LMO1: variants seen among roughly 807,000 people sequenced by gnomAD.
LMO1 encodes LIM domain only 1.
Under a neutral mutation model 18.0 loss-of-function variants are expected in LMO1, and 10 were observed. The ratio of observed to expected loss-of-function variants is 0.55; its 90% confidence interval spans 0.34 to 0.94. The LOEUF (loss-of-function observed/expected upper bound fraction) is 0.94. Among genes scored for constraint, LMO1 ranks in the 40% least tolerant of loss-of-function variants. The pLI is 0.02. For synonymous variants in LMO1, 77 were observed against 77.9 expected, an observed-to-expected ratio of 0.99 and a Z score of 0.06; for missense variants, 183 against 205.7, an observed-to-expected ratio of 0.89 and a Z score of 0.68.
At chr11:8,236,160 G>A (rs1394437541) in intron 1 of LMO1, among the ~76,000 whole-genome samples, 1 of 151,934 alleles carries the variant, frequency 6.6e-6, no homozygotes, top group East Asian at 1.9e-4. Context: ...TGGCTGCTCT[G>A]GAAAGAGCCC....
chr11:8,259,979 T>C (rs2134585692), intron 1 of LMO1, among the ~76,000 whole-genome samples: 1 of 152,326 alleles, frequency 6.6e-6, no homozygotes, highest in African/African-American at 2.4e-5. Context: ...TGCTGCTTCC[T>C]GTGGTCACCC....
At chr11:8,252,149 G>A (rs1034145442) in intron 1 of LMO1, among the ~76,000 whole-genome samples, 5 of 152,150 alleles carry the variant, frequency 3.3e-5, no homozygotes, top group Non-Finnish European at 5.9e-5. Flanking sequence ...CCTGTTTCTC[G>A]CCTAAACTCT....
intron 1 of LMO1, among the ~76,000 whole-genome samples, chr11:8,250,389 A>G (rs1386085489): frequency 1.3e-5 from 2 of 152,240 alleles, no homozygotes; most frequent in Non-Finnish European, 2.9e-5. Flanking sequence ...TGAGAATAAT[A>G]TCTCAATAAT....
chr11:8,256,371 G>A lies in LMO1; in HGVS notation c.25+6967C>T, dbSNP rs75069140. 3.9e-4 allele frequency among the ~76,000 whole-genome samples: 60 copies of A among 152,330 alleles called. No homozygotes were observed. The East Asian group carries it at 6.7e-3, about 17-fold the overall frequency. On this transcript the variant is annotated intron_variant, in intron 1 of 3. Transcript: ENST00000335790. ...GTGCGCTGAAGTCACACAGCAGTCAGCTGGGACAAAACCCAGGTTTTCTGA... is the reference window on the plus strand; with the variant it reads ...GTGCGCTGAAGTCACACAGCAGTCAACTGGGACAAAACCCAGGTTTTCTGA...
chr11:8,224,758 G>A (rs771079997), intron 3 of LMO1, 37 bp from the exon 4 acceptor site: 4 of 1,382,660 alleles, frequency 2.9e-6, no homozygotes, highest in Middle Eastern at 1.8e-4. Context: ...GCCATGGGAA[G>A]GTCCCAGTGG....
Position 8,226,887 on chromosome 11 carries a change from G to T in LMO1, c.365+88C>A. The T allele has an allele frequency of 4.0e-6, 6 of 1,488,390 alleles. No individual in the cohort carries two copies. The South Asian group carries it at 5.3e-5, about 13-fold the overall frequency. The allele number at this position is 1,488,390 out of a possible 1,614,324, so 92.2% of individuals were successfully genotyped here. A position where few individuals can be genotyped will look rare whatever the true frequency, so the allele number is the denominator to read the frequency against. ...ACACACACGCAACCCGCATTTGCGT[G>T]CACGCCTCCGCCGTGCTCCTGGCCC... On this transcript the variant is annotated intron_variant, in intron 3 of 3. Transcript: ENST00000335790.
At chr11:8,226,897 G>A (rs1392030249) in intron 3 of LMO1, 78 bp downstream of exon 3, 26 of 1,524,186 alleles carry the variant, frequency 1.7e-5, no homozygotes, top group South Asian at 1.4e-4. Context: ...GCACGCCTCC[G>A]CCGTGCTCCT....
At chr11:8,268,206 GC>G (rs1344765762), upstream of LMO1, among the ~76,000 whole-genome samples, 3 of 152,204 alleles carry the variant, frequency 2.0e-5, no homozygotes, top group Non-Finnish European at 4.4e-5. Flanking sequence ...TAATCCCGCC[GC>G]CGCCGAAGCC....
At chr11:8,267,351 G>A (rs565290922), upstream of LMO1, among the ~76,000 whole-genome samples, 3 of 152,230 alleles carry the variant, frequency 2.0e-5, no homozygotes, top group African/African-American at 7.2e-5. Context: ...ATAGTGAGTG[G>A]TGGTAGGATG....
At chr11:8,266,901 C>G (rs1047525257), upstream of LMO1, among the ~76,000 whole-genome samples, 1 of 152,238 alleles carries the variant, frequency 6.6e-6, no homozygotes, top group African/African-American at 2.4e-5. Context: ...GACGAGGACC[C>G]CTTCTCTGTG....
chr11:8,258,251 G>C (rs1847129551), intron 1 of LMO1, among the ~76,000 whole-genome samples: 1 of 152,202 alleles, frequency 6.6e-6, no homozygotes, highest in Non-Finnish European at 1.5e-5. Context: ...GAGGCCCTCT[G>C]GACCCTGGAG....
At chr11:8,251,679 G>C (rs934668546) in intron 1 of LMO1, among the ~76,000 whole-genome samples, 1 of 151,828 alleles carries the variant, frequency 6.6e-6, no homozygotes, top group Non-Finnish European at 1.5e-5. Context: ...TTGTGTGTGA[G>C]AGAGAGAGAG....
intron 1 of LMO1, among the ~76,000 whole-genome samples, chr11:8,236,986 G>A (rs944982011): frequency 7.2e-5 from 11 of 152,196 alleles, no homozygotes; most frequent in Admixed American, 7.2e-4. Flanking sequence ...GTGGATCAGA[G>A]CTTAGAATCA....
chr11:8,268,383 TC>T, upstream of LMO1: 1 of 1,458,560 alleles, frequency 6.9e-7, no homozygotes, highest in Non-Finnish European at 9.0e-7. Flanking sequence ...CCGCCCCACG[TC>T]CCGCGTGCCC....
chr11:8,268,558 A>C (rs1166577365), upstream of LMO1: 2 of 947,970 alleles, frequency 2.1e-6, no homozygotes, highest in African/African-American at 3.4e-5. Flanking sequence ...GCGGGCGCCG[A>C]GTCCGGAGAG....
In LMO1 at chr11:8,230,341, G is replaced by A. The variant is rs202224146; in HGVS notation, c.189C>T (p.Ser63=). ...TGAGGTTGGCCTTGGTGTAGAGGGT[G>A]GAGCCCACCTCGCCCAGGCGGCAGT... is the stretch of plus-strand genomic sequence containing the variant. ...CCDCRLGEVG[S]TLYTKANLIL... The change falls in exon 2 of 4, where the codon TCC becomes TCT. Residue 63 remains serine (S), a synonymous_variant. Coordinates refer to ENST00000335790, the MANE Select transcript of LMO1 (RefSeq NM_002315.3). The A allele has an allele frequency of 4.3e-6, 7 of 1,614,070 alleles. No individual in the cohort carries two copies. The Admixed American group carries it at 8.3e-5, about 19-fold the overall frequency.
rs368378788 is a variant in LMO1 at position 8,251,850 on chromosome 11, CGTGT to C, written c.25+11484_25+11487del. ...TGTGTCTGCCTGTGTGGTGGGTGTG[CGTGT>C]GTGTGTGAATGTGTGTGAGTGTGTG... On this transcript the variant is annotated intron_variant, in intron 1 of 3. Coordinates refer to ENST00000335790, the MANE Select transcript of LMO1 (RefSeq NM_002315.3). Among the ~76,000 whole-genome samples, 515 of 118,736 alleles carry C rather than the reference CGTGT, an allele frequency of 4.3e-3. 3 individuals are homozygous for C. The highest frequency in any genetic ancestry group is 0.016 in the African/African-American group (482 of 29,270). 77.9% of individuals were successfully genotyped at this position (118,736 alleles called of 152,430 possible). A position where few individuals can be genotyped will look rare whatever the true frequency, so the allele number is the denominator to read the frequency against.
In LMO1 at chr11:8,224,756, A is replaced by C. The variant is rs749303340; in HGVS notation, c.366-35T>G. On this transcript the variant is annotated intron_variant, in intron 3 of 3. Coordinates refer to ENST00000335790, the MANE Select transcript of LMO1 (RefSeq NM_002315.3). ...CCAAGCGAGAGAGAGAAGCCATGGG[A>C]AGGTCCCAGTGGGTAAGGGGGGGGC... 6.2e-6 allele frequency: 9 copies of C among 1,446,930 alleles called. 1 individual carries two copies. In the Middle Eastern group the frequency reaches 6.9e-4, roughly 111 times the overall value. The allele number at this position is 1,446,930 out of a possible 1,614,324, so 89.6% of individuals were successfully genotyped here.
chr11:8,234,781 G>A (rs1025451237), intron 1 of LMO1, among the ~76,000 whole-genome samples: 9 of 152,096 alleles, frequency 5.9e-5, no homozygotes, highest in African/African-American at 1.7e-4. Context: ...TCTCCCTCCC[G>A]CAAATGGATC....
Sources: allele counts gnomAD v4.1 joint callset (sites outside exome capture counted in the v4.1 genomes callset), GRCh38; gene constraint gnomAD v4.1.1; transcripts MANE v1.5; gene names NCBI Gene and HGNC (gene_info 2026-07-23, HGNC 2026-07-21).